Variants in MARCHF1 observed in about 807,000 individuals in gnomAD.
MARCHF1 encodes E3 ubiquitin-protein ligase MARCHF1.
A neutral mutation model predicts 54.2 loss-of-function variants in MARCHF1; 40 were observed. The ratio of observed to expected loss-of-function variants is 0.74; its 90% CI spans 0.57 to 0.96. The LOEUF is 0.96. Among genes scored for constraint, MARCHF1 ranks in the 40% least tolerant of loss-of-function variants. The pLI is 0.00. For synonymous variants in MARCHF1, 236 were observed against 236.3 expected (o/e 1.00, Z 0.01); for missense variants, 586 against 656.5 (o/e 0.89, Z 1.17).
chr4:164,357,090 T>C (rs1000863673), intron 1 of MARCHF1, among the ~76,000 whole-genome samples: 1 of 149,264 alleles, frequency 6.7e-6, no homozygotes, highest in Admixed American at 6.8e-5. Flanking sequence ...AATCTGCATA[T>C]GCACCCCTGA....
chr4:164,102,591 C>A (rs1173525599), intron 2 of MARCHF1, among the ~76,000 whole-genome samples: 5 of 150,770 alleles, frequency 3.3e-5, no homozygotes, highest in African/African-American at 1.2e-4. Flanking sequence ...ACCAGGCCTG[C>A]CTTACAAGAG....
intron 2 of MARCHF1, among the ~76,000 whole-genome samples, chr4:164,026,063 A>G (rs1753760043): frequency 1.3e-5 from 2 of 152,136 alleles, no homozygotes; most frequent in South Asian, 4.1e-4. Flanking sequence ...AAGTCCCAGA[A>G]ATTTAATCAG....
intron 1 of MARCHF1, among the ~76,000 whole-genome samples, chr4:164,214,027 T>TAAC (rs1006657491): frequency 2.6e-5 from 4 of 152,100 alleles, no homozygotes; most frequent in African/African-American, 9.7e-5. Flanking sequence ...TATATAAAAA[T>TAAC]AACTCCTGTA....
chr4:164,177,812 C>G (rs376671063), intron 1 of MARCHF1, among the ~76,000 whole-genome samples: 29,392 of 149,258 alleles, frequency 0.2, 3,222 homozygotes, highest in Non-Finnish European at 0.26. Context: ...AAGAGACACA[C>G]ACACACACAC....
chr4:163,585,002 A>G lies in MARCHF1; in HGVS notation c.1191+747T>C, dbSNP rs536245731. ...AGTCCAGCTATCAAACATGAATTGT[A>G]TAAGTTCATTGTCCTTGTTTGTATT... On this transcript the variant is annotated intron_variant, in intron 8 of 9. Transcript: ENST00000514618. 7 of 152,348 alleles carry G rather than the reference A, an allele frequency of 4.6e-5. No individual in the cohort carries two copies. The East Asian group carries it at 5.8e-4, about 13-fold the overall frequency. 9.4% of individuals were successfully genotyped at this position (152,348 alleles called of 1,614,324 possible). A position where few individuals can be genotyped will look rare whatever the true frequency, so the allele number is the denominator to read the frequency against.
intron 2 of MARCHF1, among the ~76,000 whole-genome samples, chr4:164,064,131 C>A (rs1396136478): frequency 3.9e-5 from 6 of 152,148 alleles, no homozygotes; most frequent in Admixed American, 6.5e-5. Context: ...TTATGATTGT[C>A]TTGGCTATTC....
chr4:164,243,724 A>T (rs1366032662), intron 1 of MARCHF1, among the ~76,000 whole-genome samples: 1 of 152,238 alleles, frequency 6.6e-6, no homozygotes, highest in Non-Finnish European at 1.5e-5. Flanking sequence ...TCTCACGGGC[A>T]GAGACATACA....
intron 2 of MARCHF1, among the ~76,000 whole-genome samples, chr4:164,012,953 G>A (rs1026177515): frequency 1.3e-5 from 2 of 152,162 alleles, no homozygotes; most frequent in Admixed American, 6.5e-5. Flanking sequence ...GTGAAGATTA[G>A]TTTAAATATA....
chr4:163,896,285 C>A lies in MARCHF1; in HGVS notation c.-38-42116G>T, dbSNP rs114414978. ...TCTACAGGATTCAGTGGGGATCTGGCTGTTTTCTTTCACCTCTGTAGCACT... is the reference window on the plus strand; with the variant it reads ...TCTACAGGATTCAGTGGGGATCTGGATGTTTTCTTTCACCTCTGTAGCACT... On this transcript the variant is annotated intron_variant, in intron 3 of 9. Coordinates refer to ENST00000514618, the MANE Select transcript of MARCHF1 (RefSeq NM_001394959.1). Among the ~76,000 whole-genome samples, 1,356 of 152,234 alleles carry A rather than the reference C, an allele frequency of 8.9e-3. 27 individuals carry two copies. The highest frequency in any genetic ancestry group is 0.03 in the African/African-American group (1,247 of 41,518).
chr4:163,773,189 C>T (rs1009160246), intron 4 of MARCHF1, among the ~76,000 whole-genome samples: 3 of 151,988 alleles, frequency 2.0e-5, no homozygotes, highest in Non-Finnish European at 2.9e-5. Context: ...TTATGAAAGG[C>T]GGAGCAGTCA....
intron 1 of MARCHF1, among the ~76,000 whole-genome samples, chr4:164,356,780 C>CAAAAAAAAAAAAAAAAAA (rs58855405): frequency 9.7e-6 from 1 of 103,266 alleles, no homozygotes; most frequent in Non-Finnish European, 2.0e-5. Flanking sequence ...AAAAGAAAAG[C>CAAAAAAAAAAAAAAAAAA]AAAAAAAAAA....
At chr4:164,007,646 CTGTGTGTGTGTGTGTGTGTGTGTG>C (rs70948688) in intron 2 of MARCHF1, among the ~76,000 whole-genome samples, 8 of 139,918 alleles carry the variant, frequency 5.7e-5, no homozygotes, top group Non-Finnish European at 1.1e-4. Context: ...CTCTCTCTCT[CTGTGTGTGTGTGTGTGTGTGTGTG>C]TGTGTGTGTG....
At chr4:164,209,255 G>T (rs1026563030) in intron 1 of MARCHF1, among the ~76,000 whole-genome samples, 1 of 152,072 alleles carries the variant, frequency 6.6e-6, no homozygotes, top group Non-Finnish European at 1.5e-5. Context: ...CCTCCAAATA[G>T]TAATTCAGGA....
At chr4:163,710,996 A>G (rs1392583427) in intron 4 of MARCHF1, among the ~76,000 whole-genome samples, 3 of 152,056 alleles carry the variant, frequency 2.0e-5, no homozygotes, top group African/African-American at 7.2e-5. Flanking sequence ...TTATATGACT[A>G]TGTTCACATG....
chr4:164,222,387 A>G (rs1426695493), intron 1 of MARCHF1, among the ~76,000 whole-genome samples: 1 of 152,050 alleles, frequency 6.6e-6, no homozygotes, highest in Non-Finnish European at 1.5e-5. Flanking sequence ...TGGTGATTTC[A>G]TCTATATGAA....
chr4:164,214,735 T>C (rs1731878668), intron 1 of MARCHF1, among the ~76,000 whole-genome samples: 1 of 152,234 alleles, frequency 6.6e-6, no homozygotes, highest in Admixed American at 6.5e-5. Context: ...TAATGCCTTT[T>C]AAATTATAAC....
At chr4:163,651,797 C>CT (rs112084563) in intron 5 of MARCHF1, among the ~76,000 whole-genome samples, 9,312 of 145,198 alleles carry the variant, frequency 0.064, 889 homozygotes, top group African/African-American at 0.21. Context: ...TCCATTTCCA[C>CT]TTTTTTTTTT....
intron 4 of MARCHF1, among the ~76,000 whole-genome samples, chr4:163,839,913 T>C (rs1040978975): frequency 3.3e-5 from 5 of 151,846 alleles, no homozygotes; most frequent in African/African-American, 7.3e-5. Flanking sequence ...AAATGTACAA[T>C]AGAGAAAATT....
At chr4:164,088,924 C>T (rs1193208770) in intron 2 of MARCHF1, among the ~76,000 whole-genome samples, 6 of 152,092 alleles carry the variant, frequency 3.9e-5, no homozygotes, top group East Asian at 1.9e-4. Context: ...AAATTGAAAC[C>T]GGTTTGACTT....
Sources: gnomAD v4.1 joint callset for allele counts (sites outside exome capture counted in the v4.1 genomes callset) on GRCh38, gnomAD v4.1.1 for gene constraint, MANE v1.5 for transcripts, NCBI Gene and HGNC (gene_info 2026-07-23, HGNC 2026-07-21) for gene names.